Variants in ITGBL1 observed in about 807,000 individuals in gnomAD.
ITGBL1 encodes the protein integrin beta-like protein 1.
Under a neutral mutation model 68.5 loss-of-function variants are expected in ITGBL1, and 51 were observed. That is an observed-to-expected ratio of 0.74 (90% CI 0.59 to 0.94). The LOEUF (loss-of-function observed/expected upper bound fraction) is 0.94. Among genes scored for constraint, ITGBL1 ranks in the 40% least tolerant of loss-of-function variants. The probability of loss-of-function intolerance (pLI) is 0.00; values close to 1 mark genes in which losing one functional copy is unlikely to be tolerated. For missense variants in ITGBL1, 649 were observed against 647.4 expected, an observed-to-expected ratio of 1.00 and a Z score of -0.03; for synonymous variants, 209 against 227.3, an observed-to-expected ratio of 0.92 and a Z score of 0.72.
chr13:101,507,042 G>A (rs992615402), intron 2 of ITGBL1, among the ~76,000 whole-genome samples: 10 of 152,296 alleles, frequency 6.6e-5, no homozygotes, highest in African/African-American at 2.4e-4. Flanking sequence ...GGTTGCTGAG[G>A]TGAAGAAGAC....
intron 2 of ITGBL1, among the ~76,000 whole-genome samples, chr13:101,528,841 A>C (rs2049425238): frequency 6.6e-6 from 1 of 152,018 alleles, no homozygotes; most frequent in Admixed American, 6.6e-5. Context: ...CCAATCCCAT[A>C]GTAAGATATT....
intron 4 of ITGBL1, among the ~76,000 whole-genome samples, chr13:101,575,925 A>G (rs2050351297): frequency 6.6e-6 from 1 of 152,164 alleles, no homozygotes; most frequent in Non-Finnish European, 1.5e-5. Flanking sequence ...CATGAGTCTC[A>G]TGTCCTATCA....
intron 6 of ITGBL1, among the ~76,000 whole-genome samples, chr13:101,585,384 G>C (rs1242380963): frequency 6.6e-6 from 1 of 152,134 alleles, no homozygotes; most frequent in Non-Finnish European, 1.5e-5. Context: ...TGTAAGCATA[G>C]AGTTGGTGGT....
chr13:101,460,016 G>T (rs905016952), intron 2 of ITGBL1, among the ~76,000 whole-genome samples: 4 of 151,988 alleles, frequency 2.6e-5, no homozygotes, highest in African/African-American at 9.7e-5. Context: ...CCTTCCAATT[G>T]CATTTTTCTT....
chr13:101,471,532 ATGTGTGTGTGTGTG>A (rs150659546), intron 2 of ITGBL1, among the ~76,000 whole-genome samples: 113 of 110,484 alleles, frequency 1.0e-3, no homozygotes, highest in East Asian at 3.5e-3. Flanking sequence ...GTGTGTATGT[ATGTGTGTGTGTGTG>A]TGTGTGTGTG....
At chr13:101,488,611 A>G (rs898176850) in intron 2 of ITGBL1, among the ~76,000 whole-genome samples, 1 of 152,188 alleles carries the variant, frequency 6.6e-6, no homozygotes, top group Non-Finnish European at 1.5e-5. Context: ...TAGAAAGTGC[A>G]GTTTACTGAG....
intron 7 of ITGBL1, among the ~76,000 whole-genome samples, chr13:101,656,884 T>C (rs778395468): frequency 6.6e-6 from 1 of 152,190 alleles, no homozygotes; most frequent in Non-Finnish European, 1.5e-5. Flanking sequence ...GGCTCCTCTT[T>C]AGCTCAAATA....
intron 7 of ITGBL1, among the ~76,000 whole-genome samples, chr13:101,639,195 C>T (rs753885742): frequency 1.1e-4 from 17 of 152,062 alleles, no homozygotes; most frequent in African/African-American, 2.2e-4. Flanking sequence ...TCAGAGTATT[C>T]GCTTTAAATA....
chr13:101,534,610 T>G (rs1181740548), intron 2 of ITGBL1, among the ~76,000 whole-genome samples: 1 of 152,092 alleles, frequency 6.6e-6, no homozygotes, highest in Admixed American at 6.6e-5. Context: ...AAATCTTAGT[T>G]CATGATGGCC....
chr13:101,460,447 C>T (rs940083022), intron 2 of ITGBL1, among the ~76,000 whole-genome samples: 3 of 152,220 alleles, frequency 2.0e-5, no homozygotes, highest in African/African-American at 7.2e-5. Flanking sequence ...TTCTTACATT[C>T]ATCTGTGTTC....
intron 7 of ITGBL1, among the ~76,000 whole-genome samples, chr13:101,688,926 T>C (rs1013496959): frequency 2.0e-4 from 31 of 151,960 alleles, no homozygotes; most frequent in African/African-American, 7.5e-4. Flanking sequence ...TTGCCGGGCA[T>C]AGTGGCTCAC....
At chr13:101,676,762 G>A (rs2139516467) in intron 7 of ITGBL1, among the ~76,000 whole-genome samples, 1 of 152,212 alleles carries the variant, frequency 6.6e-6, no homozygotes, top group African/African-American at 2.4e-5. Flanking sequence ...ACTTTAAAGT[G>A]GAAAAGGAGT....
At chr13:101,458,229 A>G (rs1263535843) in intron 2 of ITGBL1, among the ~76,000 whole-genome samples, 3 of 152,224 alleles carry the variant, frequency 2.0e-5, no homozygotes, top group African/African-American at 7.2e-5. Context: ...GTTATATATT[A>G]TGGCTAAAAG....
At chr13:101,482,755 A>G (rs2048644032) in intron 2 of ITGBL1, among the ~76,000 whole-genome samples, 2 of 152,244 alleles carry the variant, frequency 1.3e-5, no homozygotes, top group East Asian at 3.9e-4. Context: ...TGGGGTCCGT[A>G]TAATAGAAAA....
At chr13:101,606,174 T>TATATATATATATATATATATATATA (rs1555361917) in intron 7 of ITGBL1, among the ~76,000 whole-genome samples, 8 of 138,036 alleles carry the variant, frequency 5.8e-5, no homozygotes, top group African/African-American at 2.2e-4. Context: ...ATTAGGATTT[T>TATATATATATATATATATATATATA]TATATATATA....
intron 7 of ITGBL1, among the ~76,000 whole-genome samples, chr13:101,599,824 GT>G (rs1445675216): frequency 6.6e-6 from 1 of 152,154 alleles, no homozygotes. Context: ...GTACCATGCT[GT>G]TTTGGTTACT....
intron 2 of ITGBL1, among the ~76,000 whole-genome samples, chr13:101,510,217 G>A (rs1417924589): frequency 6.6e-6 from 1 of 152,010 alleles, no homozygotes; most frequent in African/African-American, 2.4e-5. Context: ...ATGTTCATGT[G>A]TATTCCATGT....
intron 2 of ITGBL1, among the ~76,000 whole-genome samples, chr13:101,481,069 TAC>T (rs2048614228): frequency 1.6e-4 from 6 of 38,678 alleles, no homozygotes; most frequent in African/African-American, 5.7e-4. Flanking sequence ...TACACACACA[TAC>T]ATATATATAC....
intron 7 of ITGBL1, among the ~76,000 whole-genome samples, chr13:101,625,037 G>A (rs2031722908): frequency 1.3e-5 from 2 of 152,196 alleles, no homozygotes; most frequent in Admixed American, 1.3e-4. Context: ...CCTGCCGGTA[G>A]ATAAATGCAG....
Sources: allele counts gnomAD v4.1 joint callset (sites outside exome capture counted in the v4.1 genomes callset), GRCh38; gene constraint gnomAD v4.1.1; transcripts MANE v1.5; gene names NCBI Gene and HGNC (gene_info 2026-07-23, HGNC 2026-07-21).